The following CACNA1A variants were observed in gnomAD, a reference collection of about 807,000 sequenced individuals.
CACNA1A encodes voltage-dependent P/Q-type calcium channel subunit alpha-1A.
A neutral mutation model predicts 262.4 loss-of-function variants in CACNA1A; 57 were observed. The ratio of observed to expected loss-of-function variants is 0.22; its 90% CI spans 0.18 to 0.27. The LOEUF is 0.27. CACNA1A is among the 10% of genes least tolerant of loss of function. The probability of loss-of-function intolerance (pLI) is 1.00; values close to 1 mark genes in which losing one functional copy is unlikely to be tolerated. For missense variants in CACNA1A, 2,526 were observed against 3,562.8 expected (o/e 0.71, Z 7.41); for synonymous variants, 1,431 against 1,419.3 (o/e 1.01, Z -0.18).
chr19:13,238,091 G>A (rs142914067), intron 31 of CACNA1A, among the ~76,000 whole-genome samples: 2 of 152,240 alleles, frequency 1.3e-5, no homozygotes, highest in African/African-American at 2.4e-5. Flanking sequence ...GGGTGGAGAC[G>A]GGAAGGGTTT....
In CACNA1A at chr19:13,207,591, A is replaced by G. The variant is rs2042586098; in HGVS notation, c.7243T>C (p.Tyr2415His). Reference sequence around the variant, plus strand: ...CTGCCCGGGCCATCGGCCTCGTCGTAGTCGGAGCCCCGGTAGTAGCCATGG... The same window carrying G: ...CTGCCCGGGCCATCGGCCTCGTCGTGGTCGGAGCCCCGGTAGTAGCCATGG... ...RHHGYYRGSD[Y>H]DEADGPGSGG... The change falls in exon 47 of 47, where the codon TAC (tyrosine) becomes CAC (histidine). Residue 2415 changes from tyrosine (Y) to histidine (H), a missense_variant. Tyr to His is a moderately conservative substitution (Grantham distance 83, BLOSUM62 2). Around this residue, in one of 17 missense-constraint regions of CACNA1A, gnomAD observed 929 missense variants for 868.1 expected, o/e 1.07. Transcript: ENST00000360228. The surrounding 1 kb of genome is among the most constrained non-coding windows in gnomAD (Gnocchi z 5.7). 6.7e-7 allele frequency: 1 copy of G among 1,481,538 alleles called. No individual in the cohort carries two copies. Among genetic ancestry groups the G allele is most frequent in the Non-Finnish European group, 9.0e-7 (1 of 1,116,240 alleles). The allele number at this position is 1,481,538 out of a possible 1,614,324, so 91.8% of individuals were successfully genotyped here. A position where few individuals can be genotyped will look rare whatever the true frequency, so the allele number is the denominator to read the frequency against.
chr19:13,392,842 G>T (rs1223711689), intron 3 of CACNA1A, among the ~76,000 whole-genome samples: 1 of 152,094 alleles, frequency 6.6e-6, no homozygotes, highest in Non-Finnish European at 1.5e-5. Context: ...TGCCTCCCAG[G>T]TTCAAGCAAT....
intron 3 of CACNA1A, among the ~76,000 whole-genome samples, chr19:13,398,268 A>G (rs1239942197): frequency 1.4e-5 from 2 of 138,926 alleles, no homozygotes; most frequent in Admixed American, 1.4e-4. Context: ...GTCGCAAAAG[A>G]AAAAAAAAAA....
At chr19:13,346,642 ATATATATATATATATATATATATATTTT>A (rs1272905386) in intron 6 of CACNA1A, among the ~76,000 whole-genome samples, 172 of 13,106 alleles carry the variant, frequency 0.013, 11 homozygotes, top group Admixed American at 0.041. Context: ...ATATATATAT[ATATATATATATATATATATATATATTTT>A]TTTTTTTTTT....
intron 5 of CACNA1A, chr19:13,363,503 AC>A (rs74181824): frequency 0.41 from 57,580 of 141,348 alleles, 13,946 homozygotes; most frequent in African/African-American, 0.7. Context: ...GAAAAAAAAA[AC>A]CAACAAACCA....
chr19:13,445,406 CTATT>C (rs2060792640), intron 3 of CACNA1A, among the ~76,000 whole-genome samples: 3 of 152,346 alleles, frequency 2.0e-5, no homozygotes, highest in Middle Eastern at 3.4e-3. Flanking sequence ...GACTATCTGA[CTATT>C]TCTATCAGTG....
At position 13,207,726 on chromosome 19, in the gene CACNA1A, G is replaced by A. The variant is rs1308249689; in HGVS notation, c.7108C>T (p.Arg2370Trp). The A allele has an allele frequency of 2.2e-6, 3 of 1,370,340 alleles. No individual in the cohort carries two copies. Among genetic ancestry groups the A allele is most frequent in the Non-Finnish European group, 1.9e-6 (2 of 1,067,840 alleles). The allele number at this position is 1,370,340 out of a possible 1,614,324, so 84.9% of individuals were successfully genotyped here. The change falls in exon 47 of 47, where the codon CGG becomes TGG. Residue 2370 changes from arginine to tryptophan, a missense_variant. Coordinates refer to ENST00000360228, the MANE Select transcript of CACNA1A (RefSeq NM_001127222.2). This position sits in a 1 kb window ranked among gnomAD's most constrained non-coding sequence, Gnocchi z 5.7. ...SSGRSPRMER[R>W]VPGPARSESP... ...TCGCTCCGGGCCGGGCCTGGGACCC[G>A]CCTCTCCATCCTGGGCGAGCGGCCG...
chr19:13,238,869 G>T (rs1052270670), intron 31 of CACNA1A, among the ~76,000 whole-genome samples: 2 of 152,146 alleles, frequency 1.3e-5, no homozygotes, highest in African/African-American at 2.4e-5. Flanking sequence ...TTAGAGGCTT[G>T]AGTCACCGTG....
intron 3 of CACNA1A, among the ~76,000 whole-genome samples, chr19:13,418,667 C>T (rs761826560): frequency 2.0e-5 from 3 of 152,044 alleles, no homozygotes; most frequent in African/African-American, 7.2e-5. Flanking sequence ...GATCCTCCCC[C>T]GGATCCTTTG....
intron 3 of CACNA1A, among the ~76,000 whole-genome samples, chr19:13,393,945 C>T (rs994433307): frequency 6.6e-6 from 1 of 151,906 alleles, no homozygotes; most frequent in Non-Finnish European, 1.5e-5. Context: ...CCTCACTCGG[C>T]TATGTTCTGT....
At chr19:13,497,954 T>C (rs62111572) in intron 1 of CACNA1A, among the ~76,000 whole-genome samples, 13,643 of 151,708 alleles carry the variant, frequency 0.09, 954 homozygotes, top group East Asian at 0.39. Flanking sequence ...AAGCTCTATA[T>C]GTCTCCCCTC....
chr19:13,347,051 T>TTTTTTTTG (rs1366719159), intron 6 of CACNA1A, among the ~76,000 whole-genome samples: 1 of 81,270 alleles, frequency 1.2e-5, no homozygotes, highest in African/African-American at 4.2e-5. Flanking sequence ...TTCAGGTCTG[T>TTTTTTTTG]TTTTTTTGTT....
chr19:13,462,027 G>A (rs2061133167), intron 1 of CACNA1A, among the ~76,000 whole-genome samples: 1 of 152,156 alleles, frequency 6.6e-6, no homozygotes, highest in Non-Finnish European at 1.5e-5. Context: ...CTCTGCGTAG[G>A]GAAGAAGGAG....
At chr19:13,221,036 G>C (rs2055198014) in intron 38 of CACNA1A, among the ~76,000 whole-genome samples, 1 of 150,212 alleles carries the variant, frequency 6.7e-6, no homozygotes, top group Admixed American at 6.7e-5. Context: ...TTGCCACGTG[G>C]CCTTGGCTCT....
intron 3 of CACNA1A, among the ~76,000 whole-genome samples, chr19:13,445,275 G>T (rs2060788853): frequency 6.6e-6 from 1 of 152,082 alleles, no homozygotes; most frequent in South Asian, 2.1e-4. Context: ...ACAGTTTATA[G>T]ACCCTTCTAA....
intron 3 of CACNA1A, among the ~76,000 whole-genome samples, chr19:13,416,855 A>G (rs1278428216): frequency 6.6e-6 from 1 of 151,720 alleles, no homozygotes; most frequent in Non-Finnish European, 1.5e-5. Context: ...AAATCCAAAA[A>G]TTAGCTGGGT....
chr19:13,430,427 A>G (rs1034370484), intron 3 of CACNA1A, among the ~76,000 whole-genome samples: 2 of 152,062 alleles, frequency 1.3e-5, no homozygotes, highest in Non-Finnish European at 2.9e-5. Flanking sequence ...GGCTGGTCTC[A>G]AACTCCTGAA....
intron 3 of CACNA1A, chr19:13,452,368 C>T (rs2144933491): frequency 6.5e-6 from 1 of 152,750 alleles, no homozygotes; most frequent in Admixed American, 6.5e-5. Context: ...ATCCCTTGCA[C>T]CCAGACATTC....
chr19:13,297,817 C>T (rs2057695209), intron 19 of CACNA1A, among the ~76,000 whole-genome samples: 1 of 150,076 alleles, frequency 6.7e-6, no homozygotes, highest in African/African-American at 2.5e-5. Flanking sequence ...GTCAAAAAAA[C>T]AAAAACATAC....
Sources: allele counts gnomAD v4.1 joint callset (sites outside exome capture counted in the v4.1 genomes callset), GRCh38; gene constraint gnomAD v4.1.1; regional missense constraint gnomAD v4.1.1; non-coding constraint Gnocchi (gnomAD v3.1); transcripts MANE v1.5; gene names NCBI Gene and HGNC (gene_info 2026-07-23, HGNC 2026-07-21).